Variants in CAMK2D observed in about 807,000 individuals in gnomAD.
CAMK2D encodes the protein calcium/calmodulin-dependent protein kinase type II subunit delta.
A neutral mutation model predicts 84.0 loss-of-function variants in CAMK2D; 37 were observed. The observed-to-expected ratio is 0.44, with a 90% CI of 0.34 to 0.58. The LOEUF (loss-of-function observed/expected upper bound fraction) is 0.58. CAMK2D is among the 20% of genes least tolerant of loss of function. The probability of loss-of-function intolerance (pLI) is 0.02; values close to 1 mark genes in which losing one functional copy is unlikely to be tolerated. For missense variants in CAMK2D, 448 were observed against 652.5 expected (o/e 0.69, Z 3.41); for synonymous variants, 202 against 212.5 (o/e 0.95, Z 0.43).
At chr4:113,605,558 T>C (rs2098973318) in intron 4 of CAMK2D, among the ~76,000 whole-genome samples, 1 of 152,238 alleles carries the variant, frequency 6.6e-6, no homozygotes, top group African/African-American at 2.4e-5. Flanking sequence ...CCATTCATCA[T>C]AGCATGAAGG....
chr4:113,645,488 T>C (rs2099148184), intron 3 of CAMK2D, among the ~76,000 whole-genome samples: 1 of 152,190 alleles, frequency 6.6e-6, no homozygotes, highest in Non-Finnish European at 1.5e-5. Flanking sequence ...ATATTTACTA[T>C]TGGGTGCTTT....
At chr4:113,502,264 G>C (rs1227861782) in intron 15 of CAMK2D, among the ~76,000 whole-genome samples, 1 of 151,834 alleles carries the variant, frequency 6.6e-6, no homozygotes, top group African/African-American at 2.4e-5. Context: ...ACAATGTATA[G>C]GAAACATTTA....
intron 2 of CAMK2D, among the ~76,000 whole-genome samples, chr4:113,717,528 T>C (rs2099517282): frequency 6.6e-6 from 1 of 152,084 alleles, no homozygotes; most frequent in African/African-American, 2.4e-5. Context: ...TGTACTTTTA[T>C]TGTACATAAG....
Position 113,515,061 on chromosome 4 carries a change from T to C in CAMK2D, c.819+8A>G. The C allele has an allele frequency of 1.2e-6, 2 of 1,612,948 alleles. No homozygotes were observed. The highest frequency in any genetic ancestry group is 1.7e-6 in the Non-Finnish European group (2 of 1,179,012). ...TAGTTCTTGAAGTTTTGGAGAAGTTTTACTTACACAGATCCATGGGTGCTT... is the reference window on the plus strand; with the variant it reads ...TAGTTCTTGAAGTTTTGGAGAAGTTCTACTTACACAGATCCATGGGTGCTT... On this transcript the variant is annotated splice_region_variant and intron_variant, in intron 10 of 20. Transcript: ENST00000511664.
intron 2 of CAMK2D, among the ~76,000 whole-genome samples, chr4:113,741,396 T>C (rs1046741771): frequency 1.3e-5 from 2 of 152,224 alleles, no homozygotes; most frequent in African/African-American, 2.4e-5. Flanking sequence ...ACTTTTATTA[T>C]AGTATATTAT....
chr4:113,599,326 C>T (rs2098941595), intron 4 of CAMK2D, among the ~76,000 whole-genome samples: 1 of 152,172 alleles, frequency 6.6e-6, no homozygotes, highest in Admixed American at 6.5e-5. Flanking sequence ...ATCAGCAGCA[C>T]ATTTAGGTAT....
intron 3 of CAMK2D, among the ~76,000 whole-genome samples, chr4:113,626,729 A>G (rs1327606523): frequency 6.6e-6 from 1 of 152,218 alleles, no homozygotes; most frequent in African/African-American, 2.4e-5. Context: ...AGAAGGGTTC[A>G]GTTAGATGGG....
rs1033371604 is a variant in CAMK2D, at chr4:113,757,605, C to G, written c.160+1715G>C. ...AGAAAACGGGCAAGAAGAATGTCTC[C>G]TAACTCTTCACCCTAGTTCCTTTTT... On this transcript the variant is annotated intron_variant, in intron 2 of 20. Transcript: ENST00000511664. Among the ~76,000 whole-genome samples the G allele has an allele frequency of 2.0e-5, 3 of 152,132 alleles. No individual in the cohort carries two copies. The East Asian group carries it at 5.8e-4, about 29-fold the overall frequency.
chr4:113,548,799 T>C lies in CAMK2D; in HGVS notation c.342-1083A>G. The C allele has an allele frequency of 4.1e-6, 3 of 729,770 alleles. No individual in the cohort carries two copies. The South Asian group carries it at 5.0e-5, about 12-fold the overall frequency. 45.2% of individuals were successfully genotyped at this position (729,770 alleles called of 1,614,324 possible). ...GCACATAATCACATTGAATATGAAA[T>C]AAAATGAAAGTCCCAATGAAACAAA... On this transcript the variant is annotated intron_variant, in intron 5 of 20. Transcript: ENST00000511664.
At chr4:113,754,154 G>C in intron 2 of CAMK2D, 2 of 913,744 alleles carry the variant, frequency 2.2e-6, no homozygotes, top group African/African-American at 3.6e-5. Context: ...TTGCAGTGTA[G>C]TTTACTAGAA....
At chr4:113,603,773 T>TTATATATA (rs139576985) in intron 4 of CAMK2D, among the ~76,000 whole-genome samples, 2,133 of 127,808 alleles carry the variant, frequency 0.017, 29 homozygotes, top group Middle Eastern at 0.02. Flanking sequence ...TCTTGCTATT[T>TTATATATA]TATATATATA....
At chr4:113,550,392 C>T (rs551389171) in intron 5 of CAMK2D, among the ~76,000 whole-genome samples, 3 of 152,242 alleles carry the variant, frequency 2.0e-5, no homozygotes, top group Non-Finnish European at 4.4e-5. Context: ...AGGCTGGTCT[C>T]GAACTCCTGG....
At chr4:113,613,083 C>G (rs1302538174) in intron 3 of CAMK2D, among the ~76,000 whole-genome samples, 2 of 152,126 alleles carry the variant, frequency 1.3e-5, no homozygotes, top group African/African-American at 4.8e-5. Flanking sequence ...TTTAATTCCT[C>G]ATTTCACTTA....
chr4:113,488,672 T>A (rs746824741), intron 16 of CAMK2D, among the ~76,000 whole-genome samples: 7 of 152,214 alleles, frequency 4.6e-5, no homozygotes, highest in Non-Finnish European at 8.8e-5. Context: ...CAATGCTACA[T>A]TATTTTTGCT....
intron 4 of CAMK2D, among the ~76,000 whole-genome samples, chr4:113,596,681 C>G (rs980377589): frequency 6.6e-6 from 1 of 151,852 alleles, no homozygotes; most frequent in Non-Finnish European, 1.5e-5. Flanking sequence ...TTCTTCCCCC[C>G]CAGGCAGTAG....
chr4:113,577,952 T>C (rs559381913), intron 4 of CAMK2D, among the ~76,000 whole-genome samples: 1 of 152,268 alleles, frequency 6.6e-6, no homozygotes, highest in African/African-American at 2.4e-5. Context: ...GAGCCACATA[T>C]GGAATGCTAG....
intron 13 of CAMK2D, among the ~76,000 whole-genome samples, chr4:113,505,687 C>T (rs897211577): frequency 2.6e-5 from 4 of 152,058 alleles, no homozygotes; most frequent in African/African-American, 7.2e-5. Flanking sequence ...GAAAATACTA[C>T]ATTTTCTGTC....
At chr4:113,691,842 T>C (rs915716280) in intron 2 of CAMK2D, among the ~76,000 whole-genome samples, 3 of 152,180 alleles carry the variant, frequency 2.0e-5, no homozygotes, top group African/African-American at 4.8e-5. Flanking sequence ...ACTATTTAAA[T>C]GGGTGGTGAG....
At chr4:113,625,258 T>C (rs1430950750) in intron 3 of CAMK2D, among the ~76,000 whole-genome samples, 1 of 152,134 alleles carries the variant, frequency 6.6e-6, no homozygotes, top group Non-Finnish European at 1.5e-5. Flanking sequence ...ATATTATAGG[T>C]ACTAAGAATA....
Sources: gnomAD v4.1 joint callset for allele counts (sites outside exome capture counted in the v4.1 genomes callset) on GRCh38, gnomAD v4.1.1 for gene constraint, MANE v1.5 for transcripts, NCBI Gene and HGNC (gene_info 2026-07-23, HGNC 2026-07-21) for gene names.